DNAAF9: variants seen among roughly 807,000 people sequenced by gnomAD.
DNAAF9 encodes the protein dynein axonemal assembly factor 9.
DNAAF9 carries 90 observed loss-of-function variants against 167.0 expected under a neutral mutation model. The observed-to-expected ratio is 0.54, with a 90% confidence interval of 0.45 to 0.64. The LOEUF is 0.64. DNAAF9 is among the 30% of genes least tolerant of loss of function. The pLI, the probability that DNAAF9 is intolerant of heterozygous loss-of-function variation, is 0.00. For missense variants in DNAAF9, 1,315 were observed against 1,442.2 expected (o/e 0.91, Z 1.43); for synonymous variants, 491 against 508.8 (o/e 0.96, Z 0.47).
intron 33 of DNAAF9, among the ~76,000 whole-genome samples, chr20:3,257,385 G>C (rs111395394): frequency 6.6e-6 from 1 of 151,414 alleles, no homozygotes; most frequent in Non-Finnish European, 1.5e-5. Context: ...GGTGGTTCAC[G>C]CCTATAGTCC....
At chr20:3,404,480 T>C (rs186914750) in intron 1 of DNAAF9, among the ~76,000 whole-genome samples, 30 of 152,358 alleles carry the variant, frequency 2.0e-4, no homozygotes, top group African/African-American at 7.0e-4. Context: ...TCTTCTAGTG[T>C]TCTTAATACT....
intron 30 of DNAAF9, among the ~76,000 whole-genome samples, chr20:3,269,801 A>C (rs2068559312): frequency 6.6e-6 from 1 of 151,876 alleles, no homozygotes; most frequent in South Asian, 2.1e-4. Flanking sequence ...AAAAATACAA[A>C]AACAAAATTA....
intron 25 of DNAAF9, among the ~76,000 whole-genome samples, chr20:3,292,191 G>A (rs112840786): frequency 0.034 from 5,168 of 151,996 alleles, 138 homozygotes; most frequent in African/African-American, 0.071. Context: ...GTAGAGGCGC[G>A]GTTTCACCTT....
At chr20:3,296,570 TCTCA>T (rs1447948160) in intron 23 of DNAAF9, 5 of 381,032 alleles carry the variant, frequency 1.3e-5, no homozygotes, top group Non-Finnish European at 2.4e-5. Flanking sequence ...AGGGACGGGG[TCTCA>T]CTATGTTGCC....
chr20:3,344,092 T>TC lies in DNAAF9; in HGVS notation c.790-362dup, dbSNP rs1202506811. On this transcript the variant is annotated intron_variant, in intron 8 of 36. Transcript: ENST00000252032. ...GTTTACTGCAAGAAAATTGGACCAA[T>TC]CACCATCTATGGTCCAAGTTGCTAA... Among the ~76,000 whole-genome samples the TC allele has an allele frequency of 2.0e-5, 3 of 152,302 alleles. No individual in the cohort carries two copies. In the East Asian group the frequency reaches 5.8e-4, roughly 29 times the overall value.
intron 20 of DNAAF9, among the ~76,000 whole-genome samples, chr20:3,311,090 C>A (rs2069406321): frequency 6.6e-6 from 1 of 152,168 alleles, no homozygotes; most frequent in Non-Finnish European, 1.5e-5. Context: ...AAGAGACATG[C>A]ACAAGAATGC....
At chr20:3,352,310 T>A (rs1045770579) in intron 7 of DNAAF9, among the ~76,000 whole-genome samples, 3 of 152,112 alleles carry the variant, frequency 2.0e-5, no homozygotes, top group Non-Finnish European at 4.4e-5. Context: ...TGGGTCTGGG[T>A]TTCTGACTCC....
At chr20:3,383,616 T>C (rs769105951) in intron 1 of DNAAF9, among the ~76,000 whole-genome samples, 16 of 151,368 alleles carry the variant, frequency 1.1e-4, no homozygotes, top group Non-Finnish European at 1.9e-4. Context: ...TACTACATCA[T>C]TATTAACTAA....
chr20:3,332,480 G>A (rs118164824), intron 10 of DNAAF9, 119 bp from the exon 11 acceptor site: 18,631 of 543,984 alleles, frequency 0.034, 427 homozygotes, highest in Non-Finnish European at 0.044. Context: ...TTGAGACAGA[G>A]TCTTACTCTG....
chr20:3,332,900 G>GGTGTGTGT (rs3082550), intron 10 of DNAAF9, among the ~76,000 whole-genome samples: 2,800 of 146,876 alleles, frequency 0.019, 81 homozygotes, highest in Admixed American at 0.061. Context: ...GTGTGCGTGT[G>GGTGTGTGT]GTGTGTGTGT....
At chr20:3,357,196 G>C (rs965882377) in intron 7 of DNAAF9, among the ~76,000 whole-genome samples, 1 of 152,204 alleles carries the variant, frequency 6.6e-6, no homozygotes, top group South Asian at 2.1e-4. Context: ...GTGAGGCCAG[G>C]TGTGGTGGCT....
intron 31 of DNAAF9, among the ~76,000 whole-genome samples, chr20:3,263,014 G>A (rs1295833067): frequency 3.4e-5 from 4 of 116,796 alleles, no homozygotes; most frequent in African/African-American, 6.8e-5. Context: ...TCGCTCTGTC[G>A]CCCAAGCTGG....
At chr20:3,397,729 G>GA in intron 1 of DNAAF9, among the ~76,000 whole-genome samples, 1 of 144,628 alleles carries the variant, frequency 6.9e-6, no homozygotes, top group East Asian at 2.1e-4. Context: ...TGGGGGGGGG[G>GA]AACATCTACC....
At chr20:3,290,690 C>A (rs2068935135) in intron 25 of DNAAF9, among the ~76,000 whole-genome samples, 1 of 151,990 alleles carries the variant, frequency 6.6e-6, no homozygotes, top group Non-Finnish European at 1.5e-5. Context: ...CCAGGCTACA[C>A]TGGTGTAGTA....
At chr20:3,262,965 CTTTTTTTTTTTT>C (rs796491974) in intron 31 of DNAAF9, among the ~76,000 whole-genome samples, 5 of 81,322 alleles carry the variant, frequency 6.1e-5, no homozygotes, top group South Asian at 4.7e-4. Context: ...CATAGCAGAT[CTTTTTTTTTTTT>C]TTTTTTTTTT....
At chr20:3,400,784 T>C (rs937356144) in intron 1 of DNAAF9, among the ~76,000 whole-genome samples, 2 of 152,210 alleles carry the variant, frequency 1.3e-5, no homozygotes, top group Admixed American at 1.3e-4. Context: ...TTGTGTACTA[T>C]TAATGCCACA....
intron 1 of DNAAF9, among the ~76,000 whole-genome samples, chr20:3,386,941 G>A (rs957706419): frequency 2.0e-5 from 3 of 152,112 alleles, no homozygotes; most frequent in Non-Finnish European, 4.4e-5. Context: ...TGGATAAAAT[G>A]AAAAACAGTG....
chr20:3,353,636 ACCC>A (rs73613621), intron 7 of DNAAF9, among the ~76,000 whole-genome samples: 49 of 64,582 alleles, frequency 7.6e-4, no homozygotes, highest in African/African-American at 2.6e-3. Flanking sequence ...CCCCCGCACC[ACCC>A]CCCCCCCCGC....
In DNAAF9 at chr20:3,315,770, CTTCA is replaced by C. The variant is rs1333848689; in HGVS notation, c.1551_1554del (p.Asn517LysfsTer2). On this transcript the variant is annotated frameshift_variant, in exon 19 of 37. Coordinates refer to ENST00000252032, the MANE Select transcript of DNAAF9 (RefSeq NM_001009984.3). LOFTEE classifies it high-confidence loss of function. This position sits in a 1 kb window ranked among gnomAD's most constrained non-coding sequence, Gnocchi z 4.1. ...TGCTGGGTTTTCTCAGACAATTTTA[CTTCA>C]TTATCTTCCACCTGTGTCCAAAAGG... 1.2e-6 allele frequency: 2 copies of C among 1,613,536 alleles called. No individual in the cohort carries two copies. Among genetic ancestry groups the C allele is most frequent in the African/African-American group, 2.7e-5 (2 of 74,934 alleles).
Sources: gnomAD v4.1 joint callset for allele counts (sites outside exome capture counted in the v4.1 genomes callset) on GRCh38, gnomAD v4.1.1 for gene constraint, Gnocchi (gnomAD v3.1) non-coding constraint, MANE v1.5 for transcripts, NCBI Gene and HGNC (gene_info 2026-07-23, HGNC 2026-07-21) for gene names.